Variants in SEMA6D observed in about 807,000 individuals in gnomAD.
SEMA6D encodes the protein semaphorin-6D.
Under a neutral mutation model 106.6 loss-of-function variants are expected in SEMA6D, and 35 were observed. The observed-to-expected ratio is 0.33, with a 90% confidence interval of 0.25 to 0.44. SEMA6D has a LOEUF of 0.44. Among genes scored for constraint, SEMA6D ranks in the 20% least tolerant of loss-of-function variants. SEMA6D has a pLI of 1.00. For missense variants in SEMA6D, 1,185 were observed against 1,345.9 expected, an observed-to-expected ratio of 0.88 and a Z score of 1.87; for synonymous variants, 499 against 487.7, an observed-to-expected ratio of 1.02 and a Z score of -0.31.
intron 1 of SEMA6D, among the ~76,000 whole-genome samples, chr15:47,408,914 AGTTCCC>A (rs1379700804): frequency 2.0e-5 from 3 of 152,206 alleles, no homozygotes; most frequent in Non-Finnish European, 4.4e-5. Flanking sequence ...AGGAGGCTAT[AGTTCCC>A]CACTGGACAC....
chr15:47,585,257 C>T (rs541508136), intron 3 of SEMA6D, among the ~76,000 whole-genome samples: 2 of 152,330 alleles, frequency 1.3e-5, no homozygotes, highest in East Asian at 3.9e-4. Context: ...TTTACCTTTC[C>T]TAAGCATTTT....
intron 3 of SEMA6D, among the ~76,000 whole-genome samples, chr15:47,566,104 A>C (rs928828464): frequency 6.6e-6 from 1 of 152,246 alleles, no homozygotes; most frequent in African/African-American, 2.4e-5. Context: ...CAGTTACCTC[A>C]TCAGCAAAAT....
chr15:47,578,156 A>AC (rs1461426916), intron 3 of SEMA6D, among the ~76,000 whole-genome samples: 1 of 152,240 alleles, frequency 6.6e-6, no homozygotes, highest in East Asian at 1.9e-4. Context: ...ATATAGTGGA[A>AC]CAGGGATTCT....
intron 2 of SEMA6D, among the ~76,000 whole-genome samples, chr15:47,432,010 G>A (rs188516898): frequency 1.3e-5 from 2 of 152,074 alleles, no homozygotes; most frequent in Admixed American, 1.3e-4. Context: ...CCAACCACCC[G>A]CAATGTTACA....
chr15:47,258,672 A>G lies in SEMA6D; in HGVS notation c.-239+74254A>G, dbSNP rs922749859. On this transcript the variant is annotated intron_variant, in intron 1 of 19. Transcript: ENST00000558014. The stretch of plus-strand genomic sequence containing the variant: ...TTCTCAGGCCTTTGGACTCAGACTG[A>G]ACTGTGCCACCAAGTTTTCCTTGCC... Among the ~76,000 whole-genome samples the G allele has an allele frequency of 5.9e-5, 9 of 151,982 alleles. 1 individual carries two copies. The highest frequency in any genetic ancestry group is 5.2e-4 in the Admixed American group (8 of 15,252).
At chr15:47,738,631 C>T (rs899790008) in intron 1 of SEMA6D, among the ~76,000 whole-genome samples, 1 of 152,164 alleles carries the variant, frequency 6.6e-6, no homozygotes, top group African/African-American at 2.4e-5. Context: ...TTTCAATCTT[C>T]AGCTGGACTG....
At chr15:47,333,673 C>T (rs528644368) in intron 1 of SEMA6D, among the ~76,000 whole-genome samples, 1 of 152,284 alleles carries the variant, frequency 6.6e-6, no homozygotes, top group South Asian at 2.1e-4. Context: ...ATTCTAGTTG[C>T]TGGAGACCAT....
intron 1 of SEMA6D, among the ~76,000 whole-genome samples, chr15:47,250,656 A>T (rs1028580901): frequency 2.0e-5 from 3 of 152,246 alleles, no homozygotes; most frequent in Non-Finnish European, 2.9e-5. Context: ...ACTGAATGTT[A>T]TCTTTAAGAA....
chr15:47,659,884 A>T (rs2077882281), intron 4 of SEMA6D, among the ~76,000 whole-genome samples: 1 of 152,152 alleles, frequency 6.6e-6, no homozygotes, highest in Non-Finnish European at 1.5e-5. Context: ...TATTGGTAAG[A>T]GTATTTGAAA....
intron 3 of SEMA6D, among the ~76,000 whole-genome samples, chr15:47,490,781 TA>T (rs2043449366): frequency 6.6e-6 from 1 of 152,076 alleles, no homozygotes; most frequent in Non-Finnish European, 1.5e-5. Context: ...ATGCTACAAA[TA>T]AAAAATGAAT....
At chr15:47,233,997 T>C (rs1165947091) in intron 1 of SEMA6D, among the ~76,000 whole-genome samples, 1 of 152,026 alleles carries the variant, frequency 6.6e-6, no homozygotes, top group Admixed American at 6.6e-5. Context: ...GTGTCCCTGA[T>C]CTTGCAGGGA....
chr15:47,732,388 A>G (rs1045420427), intron 1 of SEMA6D, among the ~76,000 whole-genome samples: 11 of 152,296 alleles, frequency 7.2e-5, no homozygotes, highest in African/African-American at 2.6e-4. Flanking sequence ...GGACTGGTAC[A>G]TTCAAGGTGA....
At chr15:47,373,266 G>C (rs2039339178) in intron 1 of SEMA6D, among the ~76,000 whole-genome samples, 1 of 152,198 alleles carries the variant, frequency 6.6e-6, no homozygotes, top group Non-Finnish European at 1.5e-5. Context: ...CACATGGGCA[G>C]TGGGATTTTA....
chr15:47,755,832 T>C (rs965875020), intron 1 of SEMA6D, among the ~76,000 whole-genome samples: 2 of 148,682 alleles, frequency 1.3e-5, no homozygotes, highest in Non-Finnish European at 3.0e-5. Flanking sequence ...TATAAAAATA[T>C]AACAATATAT....
intron 1 of SEMA6D, among the ~76,000 whole-genome samples, chr15:47,307,865 A>G (rs2036289274): frequency 6.6e-6 from 1 of 152,208 alleles, no homozygotes; most frequent in Admixed American, 6.6e-5. Flanking sequence ...GTATTCTCAA[A>G]GATATTTACG....
chr15:47,380,740 C>T (rs941362890), intron 1 of SEMA6D: 2 of 152,150 alleles, frequency 1.3e-5, no homozygotes, highest in African/African-American at 4.8e-5. Context: ...TGTGGAATGT[C>T]TCATTACATG....
intron 1 of SEMA6D, among the ~76,000 whole-genome samples, chr15:47,733,829 CAATATGTAA>C (rs1311980932): frequency 6.6e-6 from 1 of 152,110 alleles, no homozygotes; most frequent in Non-Finnish European, 1.5e-5. Context: ...GGATGTTTGG[CAATATGTAA>C]AATATTCATA....
chr15:47,600,259 A>G (rs1447910457), intron 3 of SEMA6D, among the ~76,000 whole-genome samples: 1 of 152,096 alleles, frequency 6.6e-6, no homozygotes, highest in Non-Finnish European at 1.5e-5. Flanking sequence ...TTTGCCTTAT[A>G]TTATAGAATT....
intron 2 of SEMA6D, among the ~76,000 whole-genome samples, chr15:47,432,812 A>C (rs2041582845): frequency 6.6e-6 from 1 of 152,146 alleles, no homozygotes; most frequent in Admixed American, 6.6e-5. Context: ...AAAAACTAAA[A>C]GTGCAAATGA....
Sources: allele counts gnomAD v4.1 joint callset (sites outside exome capture counted in the v4.1 genomes callset), GRCh38; gene constraint gnomAD v4.1.1; transcripts MANE v1.5; gene names NCBI Gene and HGNC (gene_info 2026-07-23, HGNC 2026-07-21).